The following MACROD2 variants were observed in gnomAD, a reference collection of about 807,000 sequenced individuals.
MACROD2 encodes the protein mono-ADP ribosylhydrolase 2, also known as ADP-ribose glycohydrolase MACROD2.
Under a neutral mutation model 70.4 loss-of-function variants are expected in MACROD2, and 36 were observed. That is an observed-to-expected ratio of 0.51 (90% CI 0.39 to 0.68). The LOEUF is 0.68. Among genes scored for constraint, MACROD2 ranks in the 30% least tolerant of loss-of-function variants. The pLI is 0.00. For missense variants in MACROD2, 496 were observed against 538.4 expected (o/e 0.92, Z 0.78); for synonymous variants, 172 against 178.8 (o/e 0.96, Z 0.30).
At chr20:14,629,778 C>G (rs532696709) in intron 4 of MACROD2, among the ~76,000 whole-genome samples, 2 of 152,092 alleles carry the variant, frequency 1.3e-5, no homozygotes, top group African/African-American at 2.4e-5. Flanking sequence ...TCTAGCCAAG[C>G]CTTTTTTCTT....
intron 15 of MACROD2, among the ~76,000 whole-genome samples, chr20:15,993,233 AGTGTGTGT>A (rs11468964): frequency 0.27 from 38,837 of 143,888 alleles, 5,608 homozygotes; most frequent in South Asian, 0.38. Flanking sequence ...GAATTTGAAG[AGTGTGTGT>A]GTGTGTGTGT....
intron 4 of MACROD2, among the ~76,000 whole-genome samples, chr20:14,640,826 C>T (rs138121779): frequency 1.3e-5 from 2 of 152,284 alleles, no homozygotes; most frequent in African/African-American, 4.8e-5. Context: ...ATCATCTGAG[C>T]CTTCAACAAG....
At chr20:13,997,701 A>T (rs1406624507) in intron 1 of MACROD2, among the ~76,000 whole-genome samples, 1 of 152,212 alleles carries the variant, frequency 6.6e-6, no homozygotes, top group African/African-American at 2.4e-5. Context: ...GCACCATTAA[A>T]TAAGGCAATT....
intron 5 of MACROD2, among the ~76,000 whole-genome samples, chr20:14,978,386 T>G (rs1348427020): frequency 7.8e-6 from 1 of 127,970 alleles, no homozygotes; most frequent in East Asian, 2.7e-4. Context: ...CCCCCCCCAC[T>G]TTTTTTAAGT....
chr20:15,812,984 T>C (rs182833892), intron 8 of MACROD2, among the ~76,000 whole-genome samples: 3 of 152,242 alleles, frequency 2.0e-5, no homozygotes, highest in Admixed American at 2.0e-4. Flanking sequence ...AACTAACAGG[T>C]TCAGGTACCC....
intron 3 of MACROD2, among the ~76,000 whole-genome samples, chr20:14,468,932 A>C (rs1347433948): frequency 6.6e-6 from 1 of 152,166 alleles, no homozygotes; most frequent in African/African-American, 2.4e-5. Flanking sequence ...TAGCCCATTT[A>C]CATTTAAGGT....
At position 15,768,775 on chromosome 20, in the gene MACROD2, C is replaced by T. The variant is rs777736555; in HGVS notation, c.646-93970C>T. On this transcript the variant is annotated intron_variant, in intron 8 of 17. Transcript: ENST00000684519. Reference sequence around the variant, plus strand: ...ATTTTATTTCTTTATATCTTTATTCCGTAAGCTTTTTTCCATTTTTAAATT... The same window carrying T: ...ATTTTATTTCTTTATATCTTTATTCTGTAAGCTTTTTTCCATTTTTAAATT... 3.9e-5 allele frequency among the ~76,000 whole-genome samples: 6 copies of T among 152,010 alleles called. No homozygotes were observed. The South Asian group carries it at 1.0e-3, about 26-fold the overall frequency.
intron 8 of MACROD2, among the ~76,000 whole-genome samples, chr20:15,550,302 A>C (rs2048078611): frequency 6.7e-6 from 1 of 149,482 alleles, no homozygotes; most frequent in Admixed American, 6.7e-5. Context: ...AATATTTAAA[A>C]TAAGAAATAT....
At chr20:14,673,100 T>C (rs1353610999) in intron 4 of MACROD2, among the ~76,000 whole-genome samples, 1 of 152,206 alleles carries the variant, frequency 6.6e-6, no homozygotes, top group Non-Finnish European at 1.5e-5. Flanking sequence ...TGTCATTGAG[T>C]TCAGTTCCAG....
intron 5 of MACROD2, among the ~76,000 whole-genome samples, chr20:15,117,467 T>C (rs2075999424): frequency 6.6e-6 from 1 of 152,152 alleles, no homozygotes; most frequent in South Asian, 2.1e-4. Context: ...ACATACATTC[T>C]AGAGTAGATA....
chr20:14,519,840 A>G (rs1034670013), intron 4 of MACROD2, among the ~76,000 whole-genome samples: 3 of 152,210 alleles, frequency 2.0e-5, no homozygotes, highest in Non-Finnish European at 2.9e-5. Flanking sequence ...GATAGACTGG[A>G]TAAAGAAAAC....
chr20:15,625,100 C>T (rs538530197), intron 8 of MACROD2, among the ~76,000 whole-genome samples: 4 of 152,262 alleles, frequency 2.6e-5, no homozygotes, highest in African/African-American at 7.2e-5. Context: ...CAGCAAAAGC[C>T]TCCTGTTAGC....
intron 6 of MACROD2, among the ~76,000 whole-genome samples, chr20:15,370,240 A>T (rs866130429): frequency 6.6e-6 from 1 of 152,098 alleles, no homozygotes; most frequent in African/African-American, 2.4e-5. Flanking sequence ...GTGAGTTCTT[A>T]TGGGATGTGT....
intron 3 of MACROD2, among the ~76,000 whole-genome samples, chr20:14,349,852 G>C (rs535621279): frequency 7.0e-6 from 1 of 142,950 alleles, no homozygotes; most frequent in African/African-American, 2.6e-5. Flanking sequence ...AGTGCAATGC[G>C]ATTCTCCTGC....
At chr20:15,257,838 C>G (rs1158944835) in intron 6 of MACROD2, among the ~76,000 whole-genome samples, 2 of 151,992 alleles carry the variant, frequency 1.3e-5, no homozygotes, top group Admixed American at 6.6e-5. Context: ...AAAACAGTCT[C>G]AGGCAGTTCC....
intron 5 of MACROD2, among the ~76,000 whole-genome samples, chr20:14,998,540 T>C (rs1402800524): frequency 6.6e-6 from 1 of 151,920 alleles, no homozygotes; most frequent in Admixed American, 6.6e-5. Context: ...AAAGAATTAG[T>C]GAACTTGAAG....
intron 3 of MACROD2, among the ~76,000 whole-genome samples, chr20:14,091,831 A>G (rs1601212249): frequency 6.6e-6 from 1 of 152,130 alleles, no homozygotes; most frequent in Non-Finnish European, 1.5e-5. Context: ...TTGTTCAACC[A>G]TTCACCCATT....
At chr20:14,399,850 T>G (rs2083619220) in intron 3 of MACROD2, among the ~76,000 whole-genome samples, 1 of 152,198 alleles carries the variant, frequency 6.6e-6, no homozygotes, top group African/African-American at 2.4e-5. Flanking sequence ...TTATCTAATT[T>G]GTTTTTAGTT....
At chr20:14,833,545 T>C (rs958368220) in intron 5 of MACROD2, among the ~76,000 whole-genome samples, 1 of 152,132 alleles carries the variant, frequency 6.6e-6, no homozygotes, top group African/African-American at 2.4e-5. Flanking sequence ...ATAAGAAACG[T>C]AATTCTGGTA....
Sources: allele counts gnomAD v4.1 joint callset (sites outside exome capture counted in the v4.1 genomes callset), GRCh38; gene constraint gnomAD v4.1.1; transcripts MANE v1.5; gene names NCBI Gene and HGNC (gene_info 2026-07-23, HGNC 2026-07-21).